TP73: variants seen among roughly 807,000 people sequenced by gnomAD.
TP73 encodes the protein p53-like transcription factor.
Under a neutral mutation model 62.5 loss-of-function variants are expected in TP73, and 25 were observed. The observed-to-expected ratio is 0.40, with a 90% CI of 0.29 to 0.56. The LOEUF is 0.56. Among genes scored for constraint, TP73 ranks in the 20% least tolerant of loss-of-function variants. The pLI, the probability that TP73 is intolerant of heterozygous loss-of-function variation, is 0.46. For synonymous variants in TP73, 423 were observed against 377.5 expected (o/e 1.12, Z -1.40); for missense variants, 754 against 913.3 (o/e 0.83, Z 2.25).
chr1:3,690,612 GC>G (rs1645790466), intron 3 of TP73: 1 of 1,296,748 alleles, frequency 7.7e-7, no homozygotes, highest in East Asian at 3.4e-5. Context: ...GCTGAGGCCT[GC>G]CCCGGACTTG....
chr1:3,653,671 G>A (rs545207534), intron 1 of TP73, among the ~76,000 whole-genome samples: 3 of 152,136 alleles, frequency 2.0e-5, no homozygotes, highest in Non-Finnish European at 4.4e-5. Context: ...GTTTTTTGTT[G>A]CTGTCATTGC....
intron 3 of TP73, among the ~76,000 whole-genome samples, chr1:3,697,506 G>A (rs997352325): frequency 6.6e-6 from 1 of 152,190 alleles, no homozygotes; most frequent in Non-Finnish European, 1.5e-5. Flanking sequence ...TTGCCTGGAC[G>A]CCAGCCCTGG....
At chr1:3,711,839 CGTGT>C (rs533054348) in intron 4 of TP73, among the ~76,000 whole-genome samples, 1 of 146,052 alleles carries the variant, frequency 6.8e-6, no homozygotes, top group Non-Finnish European at 1.5e-5. Context: ...TGTGCGCGAG[CGTGT>C]GTATGTGTGT....
At position 3,724,215 on chromosome 1, in the gene TP73, G is replaced by A. The variant is rs115461186; in HGVS notation, c.732+746G>A. ...GAAACAGAGGGTTTGAAGTTACTGC[G>A]GGATGGTGGGGCAGGGGCAGAACAG... On this transcript the variant is annotated intron_variant, in intron 6 of 13. Transcript: ENST00000378295. Among the ~76,000 whole-genome samples, 1,513 of 152,194 alleles carry A rather than the reference G, an allele frequency of 9.9e-3. 22 individuals carry two copies. Among genetic ancestry groups the A allele is most frequent in the African/African-American group, 0.034 (1,425 of 41,480 alleles).
chr1:3,705,055 G>A lies in TP73; in HGVS notation c.187-2494G>A, dbSNP rs140890768. On this transcript the variant is annotated intron_variant, in intron 3 of 13. Coordinates refer to ENST00000378295, the MANE Select transcript of TP73 (RefSeq NM_005427.4). ...GATGTTATATTTTGTTTCGTTTTTT[G>A]AGACAAAGTCTTGCCCTGTCTCCCA... is the stretch of plus-strand genomic sequence containing the variant. Among the ~76,000 whole-genome samples the A allele has an allele frequency of 9.5e-3, 1,446 of 152,308 alleles. 20 individuals are homozygous for A. The highest frequency in any genetic ancestry group is 0.033 in the African/African-American group (1,351 of 41,556).
At chr1:3,731,683 C>A in intron 13 of TP73, 127 bp downstream of exon 13, 2 of 835,100 alleles carry the variant, frequency 2.4e-6, no homozygotes, top group Admixed American at 2.4e-5. Context: ...CACGGGCAAG[C>A]AGATGCGATG....
intron 4 of TP73, among the ~76,000 whole-genome samples, chr1:3,718,574 G>A (rs1243725184): frequency 6.6e-6 from 1 of 150,440 alleles, no homozygotes. Flanking sequence ...AGGGGCTGCA[G>A]GGGCCAGGCA....
Position 3,713,169 on chromosome 1 carries a change from C to T in TP73, c.429+5378C>T, listed in dbSNP as rs573514703. On this transcript the variant is annotated intron_variant, in intron 4 of 13. Coordinates refer to ENST00000378295, the MANE Select transcript of TP73 (RefSeq NM_005427.4). ...TCAAACTGGGACTGGGGGTGGAGAG[C>T]TGTCCCTGTCTGCTTTCACTGCTTG... Among the ~76,000 whole-genome samples the T allele has an allele frequency of 1.5e-4, 23 of 152,356 alleles. 1 individual carries two copies. In the South Asian group the frequency reaches 4.6e-3, roughly 30 times the overall value.
At chr1:3,730,809 C>A in intron 11 of TP73, 118 bp from the exon 12 acceptor site, 1 of 1,332,456 alleles carries the variant, frequency 7.5e-7, no homozygotes, top group South Asian at 1.4e-5. Flanking sequence ...TGCCCAGCGT[C>A]ACATCGCCAG....
At position 3,723,339 on chromosome 1, in the gene TP73, G is replaced by A. The variant is rs764828055; in HGVS notation, c.617-15G>A. ...CCTCTATGCACCTCTCTGAAGTGTCGACCCCTCCCGGCAGGACAGTCTGCT... is the reference window on the plus strand; with the variant it reads ...CCTCTATGCACCTCTCTGAAGTGTCAACCCCTCCCGGCAGGACAGTCTGCT... On this transcript the variant is annotated splice_polypyrimidine_tract_variant and intron_variant, in intron 5 of 13. Transcript: ENST00000378295. 2.8e-5 allele frequency: 45 copies of A among 1,608,786 alleles called. No homozygotes were observed. The highest frequency in any genetic ancestry group is 1.1e-4 in the East Asian group (5 of 44,856).
intron 1 of TP73, among the ~76,000 whole-genome samples, chr1:3,665,603 T>C (rs575556561): frequency 1.3e-5 from 2 of 152,060 alleles, no homozygotes; most frequent in South Asian, 4.1e-4. Flanking sequence ...AAATCATTCG[T>C]ATTTTGAAGT....
intron 13 of TP73, among the ~76,000 whole-genome samples, 162 bp from the exon 14 acceptor site, chr1:3,732,585 G>A (rs1430794979): frequency 1.3e-5 from 2 of 150,614 alleles, no homozygotes; most frequent in African/African-American, 4.8e-5. Flanking sequence ...GCACAGGCCA[G>A]GAGTGACTCT....
intron 3 of TP73, among the ~76,000 whole-genome samples, chr1:3,698,674 G>A (rs776720068): frequency 8.5e-5 from 13 of 152,180 alleles, no homozygotes; most frequent in Non-Finnish European, 1.9e-4. Flanking sequence ...AGTGAGGGTT[G>A]AGGAGAGGGT....
intron 10 of TP73, 180 bp from the exon 11 acceptor site, chr1:3,729,820 C>T: frequency 9.5e-6 from 9 of 944,360 alleles, no homozygotes; most frequent in Non-Finnish European, 1.2e-5. Context: ...CCTTCTCAGG[C>T]GCAGGCCCAG....
intron 1 of TP73, among the ~76,000 whole-genome samples, chr1:3,679,204 C>G (rs10910008): frequency 0.41 from 62,291 of 151,996 alleles, 12,970 homozygotes; most frequent in East Asian, 0.57. Flanking sequence ...GAGAGGGTGT[C>G]GCTTCAGGGG....
At chr1:3,707,862 C>T (rs563295437) in intron 4 of TP73, 71 bp downstream of exon 4, 102 of 1,545,614 alleles carry the variant, frequency 6.6e-5, no homozygotes, top group Middle Eastern at 5.1e-4. Flanking sequence ...CTGCGTTCCC[C>T]GCACCTCAAG....
chr1:3,733,212 C>A lies in TP73; in HGVS notation c.*133C>A. ...GCCCGGGGAAAGGCAAGGTCCGGCC[C>A]ATCCCCAGGCACCTCACAGGCCCCA... On this transcript the variant is annotated 3_prime_UTR_variant, in exon 14 of 14. Coordinates refer to ENST00000378295, the MANE Select transcript of TP73 (RefSeq NM_005427.4). 9.1e-7 allele frequency: 1 copy of A among 1,095,576 alleles called. No individual in the cohort carries two copies. The highest frequency in any genetic ancestry group is 1.3e-6 in the Non-Finnish European group (1 of 788,104). The allele number at this position is 1,095,576 out of a possible 1,614,324, so 67.9% of individuals were successfully genotyped here.
chr1:3,659,021 G>T (rs1259526250), intron 1 of TP73: 2 of 151,532 alleles, frequency 1.3e-5, no homozygotes, highest in African/African-American at 2.4e-5. Flanking sequence ...TTTAGGGGTG[G>T]CGTATTCTGG....
chr1:3,666,124 C>CAA lies in TP73; in HGVS notation c.-34+13509_-34+13510dup, dbSNP rs59432695. On this transcript the variant is annotated intron_variant, in intron 1 of 13. Coordinates refer to ENST00000378295, the MANE Select transcript of TP73 (RefSeq NM_005427.4). The surrounding 1 kb of genome is among the most constrained non-coding windows in gnomAD (Gnocchi z 6.4). ...GGGCAACAAGAGCAAAACTCTGTCTCAAAAAAAAAAAAAAAAAAAAAAAAA... is the reference window on the plus strand; with the variant it reads ...GGGCAACAAGAGCAAAACTCTGTCTCAAAAAAAAAAAAAAAAAAAAAAAAAAA... 0.014 allele frequency among the ~76,000 whole-genome samples: 580 copies of CAA among 40,786 alleles called. 31 individuals carry two copies. The highest frequency in any genetic ancestry group is 0.02 in the Non-Finnish European group (446 of 21,886). 26.8% of individuals were successfully genotyped at this position (40,786 alleles called of 152,430 possible). A position where few individuals can be genotyped will look rare whatever the true frequency, so the allele number is the denominator to read the frequency against.
Sources: allele counts gnomAD v4.1 joint callset (sites outside exome capture counted in the v4.1 genomes callset), GRCh38; gene constraint gnomAD v4.1.1; non-coding constraint Gnocchi (gnomAD v3.1); transcripts MANE v1.5; gene names NCBI Gene and HGNC (gene_info 2026-07-23, HGNC 2026-07-21).